The following IGF2BP2 variants were observed in gnomAD, a reference collection of about 807,000 sequenced individuals.
IGF2BP2 encodes insulin-like growth factor 2 mRNA-binding protein 2.
Under a neutral mutation model 75.8 loss-of-function variants are expected in IGF2BP2, and 17 were observed. The observed-to-expected ratio is 0.22, with a 90% CI of 0.15 to 0.34. IGF2BP2 has a LOEUF of 0.34. Ranked by LOEUF, IGF2BP2 falls within the 10% of genes least tolerant of loss-of-function variation. IGF2BP2 has a pLI of 1.00. For missense variants in IGF2BP2, 516 were observed against 772.4 expected, an observed-to-expected ratio of 0.67 and a Z score of 3.93; for synonymous variants, 288 against 295.6, an observed-to-expected ratio of 0.97 and a Z score of 0.26.
intron 15 of IGF2BP2, 189 bp downstream of exon 15, chr3:185,646,836 G>A (rs1288556890): frequency 1.7e-6 from 1 of 604,456 alleles, no homozygotes; most frequent in South Asian, 2.0e-5. Context: ...GGATGACAGT[G>A]GAGAGAAGTG....
At chr3:185,774,498 G>A (rs1284328407) in intron 2 of IGF2BP2, among the ~76,000 whole-genome samples, 1 of 151,974 alleles carries the variant, frequency 6.6e-6, no homozygotes, top group Non-Finnish European at 1.5e-5. Context: ...AGGAGGCTGA[G>A]GCAGGAGAAT....
At position 185,647,115 on chromosome 3, in the gene IGF2BP2, G is replaced by A. The variant is rs937481037; in HGVS notation, c.1617C>T (p.Thr539=). The change falls in exon 15 of 16, where the codon ACC becomes ACT. Residue 539 remains threonine, a synonymous_variant. Coordinates refer to ENST00000382199, the MANE Select transcript of IGF2BP2 (RefSeq NM_006548.6). The surrounding 1 kb of genome is among the most constrained non-coding windows in gnomAD (Gnocchi z 4.9). ...CACGAGGCACGATGACTTCTGCACTGGTTAAGTTCTGCAGTTCGTTCACCT... is the reference window on the plus strand; with the variant it reads ...CACGAGGCACGATGACTTCTGCACTAGTTAAGTTCTGCAGTTCGTTCACCT... The part of the protein sequence containing the change: ...GKTVNELQNL[T]SAEVIVPRDQ... 6.2e-7 allele frequency: 1 copy of A among 1,613,902 alleles called. No homozygotes were observed. The highest frequency in any genetic ancestry group is 8.5e-7 in the Non-Finnish European group (1 of 1,179,884).
At chr3:185,690,808 G>C (rs1369750571) in intron 5 of IGF2BP2, among the ~76,000 whole-genome samples, 1 of 152,096 alleles carries the variant, frequency 6.6e-6, no homozygotes, top group East Asian at 1.9e-4. Flanking sequence ...TTTGATAGGG[G>C]ATAAATGATA....
intron 13 of IGF2BP2, among the ~76,000 whole-genome samples, chr3:185,650,707 A>G (rs925812690): frequency 6.7e-6 from 1 of 148,556 alleles, no homozygotes; most frequent in Non-Finnish European, 1.5e-5. Context: ...AAAAAAAAAT[A>G]TATCAATTTC....
intron 3 of IGF2BP2, among the ~76,000 whole-genome samples, chr3:185,696,997 C>A (rs1722668117): frequency 1.3e-5 from 2 of 152,222 alleles, no homozygotes; most frequent in Admixed American, 1.3e-4. Context: ...AAGACTCACT[C>A]CACTTTCTTG....
chr3:185,649,657 C>G (rs1002826974), intron 13 of IGF2BP2, 123 bp from the exon 14 acceptor site: 4 of 1,346,542 alleles, frequency 3.0e-6, no homozygotes, highest in Non-Finnish European at 4.1e-6. Context: ...CTCCCTGGGA[C>G]ACACAGGAAG....
chr3:185,677,837 G>A (rs1383278391), intron 7 of IGF2BP2, among the ~76,000 whole-genome samples: 1 of 152,148 alleles, frequency 6.6e-6, no homozygotes, highest in Non-Finnish European at 1.5e-5. Context: ...TGTTAAAGGA[G>A]TTCAACAGCA....
At chr3:185,731,490 T>C (rs1240567695) in intron 2 of IGF2BP2, among the ~76,000 whole-genome samples, 1 of 151,766 alleles carries the variant, frequency 6.6e-6, no homozygotes, top group African/African-American at 2.4e-5. Context: ...TGACCTCAGG[T>C]GATCCGCTCA....
chr3:185,766,734 T>C (rs888754439), intron 2 of IGF2BP2, among the ~76,000 whole-genome samples: 10 of 152,258 alleles, frequency 6.6e-5, no homozygotes, highest in African/African-American at 1.9e-4. Flanking sequence ...TTTATAGTTT[T>C]CCCTGGTATA....
intron 2 of IGF2BP2, among the ~76,000 whole-genome samples, chr3:185,796,185 A>AT (rs1449621226): frequency 1.3e-5 from 2 of 152,044 alleles, no homozygotes; most frequent in African/African-American, 2.4e-5. Context: ...TCTTTTAATC[A>AT]TTTTTTCTTT....
chr3:185,822,649 C>G (rs1257386964), intron 2 of IGF2BP2, among the ~76,000 whole-genome samples: 2 of 152,206 alleles, frequency 1.3e-5, no homozygotes, highest in Non-Finnish European at 2.9e-5. Flanking sequence ...ATCCAAACAA[C>G]CCACTTCTTT....
At chr3:185,697,857 A>G (rs1277507017) in intron 3 of IGF2BP2, among the ~76,000 whole-genome samples, 1 of 152,136 alleles carries the variant, frequency 6.6e-6, no homozygotes, top group Non-Finnish European at 1.5e-5. Context: ...GGTGGCATGC[A>G]TCGAGTCCCA....
chr3:185,738,288 T>C (rs1369793369), intron 2 of IGF2BP2, among the ~76,000 whole-genome samples: 2 of 152,156 alleles, frequency 1.3e-5, no homozygotes, highest in Non-Finnish European at 2.9e-5. Context: ...ACCACAAAGA[T>C]GAAATAGTCC....
chr3:185,664,154 T>A (rs1273033449), intron 10 of IGF2BP2, among the ~76,000 whole-genome samples: 2 of 152,184 alleles, frequency 1.3e-5, no homozygotes, highest in Non-Finnish European at 2.9e-5. Context: ...CTGCTCTGTG[T>A]GTTCTCATGG....
chr3:185,648,550 C>T (rs1714009878), intron 14 of IGF2BP2, among the ~76,000 whole-genome samples: 1 of 151,960 alleles, frequency 6.6e-6, no homozygotes, highest in African/African-American at 2.4e-5. Context: ...TCAAGAGACC[C>T]CCGCCTCCCC....
At chr3:185,764,000 G>A (rs985248342) in intron 2 of IGF2BP2, among the ~76,000 whole-genome samples, 3 of 152,102 alleles carry the variant, frequency 2.0e-5, no homozygotes, top group Non-Finnish European at 2.9e-5. Flanking sequence ...AGAAGAGGGT[G>A]AGGTCAGAAG....
At chr3:185,720,065 C>T (rs1726274811) in intron 2 of IGF2BP2, among the ~76,000 whole-genome samples, 1 of 152,146 alleles carries the variant, frequency 6.6e-6, no homozygotes, top group Non-Finnish European at 1.5e-5. Context: ...AATATTCTCC[C>T]CCAGGCAACC....
intron 2 of IGF2BP2, among the ~76,000 whole-genome samples, chr3:185,801,489 CAAA>C (rs35823870): frequency 5.8e-5 from 3 of 51,658 alleles, no homozygotes; most frequent in African/African-American, 6.7e-5. Context: ...AACTCCATCT[CAAA>C]AAAAAAAAAA....
Position 185,701,121 on chromosome 3 carries a change from G to A in IGF2BP2, c.240-2774C>T, listed in dbSNP as rs574336553. Among the ~76,000 whole-genome samples the A allele has an allele frequency of 4.0e-5, 6 of 151,856 alleles. No individual in the cohort carries two copies. The East Asian group carries it at 9.7e-4, about 24-fold the overall frequency. ...AAATTATTAAATTTTTAATAGAGATGGGGTCTTGATATATTGCCTGCTGGT... is the reference window on the plus strand; with the variant it reads ...AAATTATTAAATTTTTAATAGAGATAGGGTCTTGATATATTGCCTGCTGGT... On this transcript the variant is annotated intron_variant, in intron 2 of 15. Coordinates refer to ENST00000382199, the MANE Select transcript of IGF2BP2 (RefSeq NM_006548.6).
Sources: gnomAD v4.1 joint callset for allele counts (sites outside exome capture counted in the v4.1 genomes callset) on GRCh38, gnomAD v4.1.1 for gene constraint, Gnocchi (gnomAD v3.1) non-coding constraint, MANE v1.5 for transcripts, NCBI Gene and HGNC (gene_info 2026-07-23, HGNC 2026-07-21) for gene names.